Variants in RGL4 observed in about 807,000 individuals in gnomAD.
The protein encoded by RGL4 is ral-GDS-related protein.
RGL4 carries 41 observed loss-of-function variants against 49.6 expected under a neutral mutation model. That is an observed-to-expected ratio of 0.83 (90% CI 0.64 to 1.07). RGL4 has a LOEUF of 1.07. Ranked by LOEUF, RGL4 falls within the 50% of genes least tolerant of loss-of-function variation. The pLI, the probability that RGL4 is intolerant of heterozygous loss-of-function variation, is 0.00. For missense variants in RGL4, 610 were observed against 591.9 expected, an observed-to-expected ratio of 1.03 and a Z score of -0.32; for synonymous variants, 255 against 238.0, an observed-to-expected ratio of 1.07 and a Z score of -0.66.
At chr22:23,696,257 C>A in intron 6 of RGL4, 2 of 1,177,014 alleles carry the variant, frequency 1.7e-6, no homozygotes, top group African/African-American at 1.6e-5. Context: ...GTAGTGCAGG[C>A]CTCACAGGGT....
intron 4 of RGL4, 184 bp from the exon 5 acceptor site, chr22:23,694,163 G>C: frequency 1.4e-6 from 1 of 710,856 alleles, no homozygotes; most frequent in South Asian, 1.8e-5. Context: ...TCCGACCTGG[G>C]GTCTTCCTTG....
intron 6 of RGL4, chr22:23,695,512 C>G (rs936439733): frequency 4.0e-6 from 2 of 506,046 alleles, no homozygotes; most frequent in African/African-American, 4.0e-5. Flanking sequence ...GGGGCCTTGG[C>G]CTGCACTGGG....
intron 4 of RGL4, 134 bp from the exon 5 acceptor site, chr22:23,694,213 G>T: frequency 1.3e-6 from 1 of 769,062 alleles, no homozygotes; most frequent in Non-Finnish European, 2.2e-6. Flanking sequence ...ACATCCACTC[G>T]GCCCCAGGTC....
intron 2 of RGL4, 47 bp from the exon 3 acceptor site, chr22:23,692,622 A>T (rs756025717): frequency 6.4e-7 from 1 of 1,572,258 alleles, no homozygotes; most frequent in Non-Finnish European, 8.6e-7. Context: ...GTGCTTGGAA[A>T]ACCCAGTGAA....
rs1330378823 is a variant in RGL4 at position 23,694,681 on chromosome 22, T to C, written c.1016+231T>C. ...ACAGACTGGAGCCAACTGGAGGCTT[T>C]CAGGTGTTTGTACCCAGCAGTGGAA... On this transcript the variant is annotated intron_variant, in intron 5 of 10. Transcript: ENST00000290691. 5.0e-6 allele frequency: 3 copies of C among 595,496 alleles called. No homozygotes were observed. In the African/African-American group the frequency reaches 5.6e-5, roughly 11 times the overall value. The allele number at this position is 595,496 out of a possible 1,614,324, so 36.9% of individuals were successfully genotyped here. A position where few individuals can be genotyped will look rare whatever the true frequency, so the allele number is the denominator to read the frequency against.
At chr22:23,694,486 G>C in intron 5 of RGL4, 36 bp downstream of exon 5, 8 of 1,428,328 alleles carry the variant, frequency 5.6e-6, no homozygotes, top group Non-Finnish European at 7.9e-6. Flanking sequence ...CATCAGGGTT[G>C]ACCTAGGGAC....
chr22:23,693,064 C>A, intron 3 of RGL4, 73 bp downstream of exon 3: 1 of 1,494,414 alleles, frequency 6.7e-7, no homozygotes, highest in Non-Finnish European at 8.9e-7. Flanking sequence ...TGAGGAGCAG[C>A]CAATGCCCTC....
At chr22:23,692,292 G>A in intron 1 of RGL4, 43 bp from the exon 2 acceptor site, 1 of 1,609,366 alleles carries the variant, frequency 6.2e-7, no homozygotes, top group East Asian at 2.2e-5. Flanking sequence ...GGTTGTGTGG[G>A]AGAAGGCCAG....
At chr22:23,693,464 T>C (rs1258107904) in intron 3 of RGL4, among the ~76,000 whole-genome samples, 3 of 152,108 alleles carry the variant, frequency 2.0e-5, no homozygotes, top group African/African-American at 4.8e-5. Flanking sequence ...GGCCTCAGGA[T>C]GGGCAGGCCT....
chr22:23,693,754 C>T lies in RGL4; in HGVS notation c.697-5C>T, dbSNP rs369392926. 57 of 1,612,616 alleles carry T rather than the reference C, an allele frequency of 3.5e-5. No homozygotes were observed. Among genetic ancestry groups the T allele is most frequent in the African/African-American group, 1.1e-4 (8 of 74,864 alleles). Reference sequence around the variant, plus strand: ...TGTCCGTGACACTCTCCTCCTCCCCCAAAGGAGCTGTTCAAGAAGGTGGTG... The same window carrying T: ...TGTCCGTGACACTCTCCTCCTCCCCTAAAGGAGCTGTTCAAGAAGGTGGTG... On this transcript the variant is annotated splice_region_variant and splice_polypyrimidine_tract_variant and intron_variant, in intron 3 of 10. Transcript: ENST00000290691.
chr22:23,694,496 C>T (rs1328262338), intron 5 of RGL4, 46 bp downstream of exon 5: 2 of 1,287,190 alleles, frequency 1.6e-6, no homozygotes, highest in Non-Finnish European at 2.2e-6. Flanking sequence ...GACCTAGGGA[C>T]TCACAGGTCT....
chr22:23,697,318 C>T, intron 8 of RGL4, 73 bp downstream of exon 8: 2 of 1,242,014 alleles, frequency 1.6e-6, no homozygotes, highest in Non-Finnish European at 2.3e-6. Context: ...CTGGACCGAG[C>T]CTTTAGATCT....
Position 23,691,762 on chromosome 22 carries a change from A to G in RGL4, c.-269A>G. 2 of 399,230 alleles carry G rather than the reference A, an allele frequency of 5.0e-6. No homozygotes were observed. The highest frequency in any genetic ancestry group is 9.2e-6 in the Non-Finnish European group (2 of 216,700). 24.7% of individuals were successfully genotyped at this position (399,230 alleles called of 1,614,324 possible). On this transcript the variant is annotated 5_prime_UTR_variant, in exon 1 of 11. Coordinates refer to ENST00000290691, the MANE Select transcript of RGL4 (RefSeq NM_153615.2). ...ATATGTGGACTCTGGCTGGGGAGAG[A>G]CTAAAGGAGCTCTGGGGCTCATACT... is the stretch of plus-strand genomic sequence containing the variant.
At position 23,698,575 on chromosome 22, in the gene RGL4, C is replaced by T. The variant is rs768647160; in HGVS notation, c.1382+242C>T. On this transcript the variant is annotated intron_variant, in intron 10 of 10. Coordinates refer to ENST00000290691, the MANE Select transcript of RGL4 (RefSeq NM_153615.2). ...TACAGATGGGGTTTCACGATGATGTCCAGGATCGTCTCAAACTCCTGGCCT... is the reference window on the plus strand; with the variant it reads ...TACAGATGGGGTTTCACGATGATGTTCAGGATCGTCTCAAACTCCTGGCCT... 11 of 719,402 alleles carry T rather than the reference C, an allele frequency of 1.5e-5. No homozygotes were observed. The East Asian group carries it at 2.4e-4, about 16-fold the overall frequency. The allele number at this position is 719,402 out of a possible 1,614,324, so 44.6% of individuals were successfully genotyped here. A position where few individuals can be genotyped will look rare whatever the true frequency, so the allele number is the denominator to read the frequency against.
rs1285295144 is a variant in RGL4 at position 23,699,036 on chromosome 22, C to A, written c.*153C>A. 1 of 1,547,424 alleles carries A rather than the reference C, an allele frequency of 6.5e-7. No homozygotes were observed. The highest frequency in any genetic ancestry group is 1.2e-5 in the South Asian group (1 of 83,430). On this transcript the variant is annotated 3_prime_UTR_variant, in exon 11 of 11. Transcript: ENST00000290691. The stretch of plus-strand genomic sequence containing the variant: ...TCTTGCCCTGGATCCTCATCACCAA[C>A]TGCTCCTGCTGGCCAGGATCAGGCC...
At position 23,691,976 on chromosome 22, in the gene RGL4, C is replaced by T. The variant is rs1923159250; in HGVS notation, c.-55C>T. The stretch of plus-strand genomic sequence containing the variant: ...GCTCTCCCTGTCCTCCTCCCCCCGA[C>T]ATCTGCCCCTTCCCTCCTAACCCCA... On this transcript the variant is annotated 5_prime_UTR_variant, in exon 1 of 11. Coordinates refer to ENST00000290691, the MANE Select transcript of RGL4 (RefSeq NM_153615.2). 1.9e-6 allele frequency: 3 copies of T among 1,582,336 alleles called. No individual in the cohort carries two copies. The highest frequency in any genetic ancestry group is 3.4e-5 in the Admixed American group (2 of 59,030).
chr22:23,692,514 A>G lies in RGL4; in HGVS notation c.359A>G (p.Glu120Gly). The G allele has an allele frequency of 2.5e-6, 4 of 1,613,610 alleles. No individual in the cohort carries two copies. The highest frequency in any genetic ancestry group is 3.4e-6 in the Non-Finnish European group (4 of 1,179,578). ...CAGTTGGTGCTTCCGGAGCCCAACG[A>G]GGCCAAGCCAGATGGTGAGGGGGCT... ...LGQLVLPEPN[E>G]AKPDDPAPRP... is the part of the protein sequence containing the mutation. The change falls in exon 2 of 11, where the codon GAG (glutamate) becomes GGG (glycine). Residue 120 changes from glutamate to glycine, a missense_variant. Coordinates refer to ENST00000290691, the MANE Select transcript of RGL4 (RefSeq NM_153615.2).
At chr22:23,693,639 G>A in intron 3 of RGL4, 120 bp from the exon 4 acceptor site, 1 of 805,408 alleles carries the variant, frequency 1.2e-6, no homozygotes, top group Non-Finnish European at 2.1e-6. Context: ...AGCTTTCTGA[G>A]CTCCAGCTTG....
rs145276888 is a variant in RGL4, at chr22:23,693,786, G to A, written c.724G>A (p.Glu242Lys). Residue 242 changes from glutamate to lysine, a missense_variant, in exon 4 of 11, where the codon GAA (glutamate) becomes AAA (lysine). Physicochemically the swap from Glu to Lys is moderately conservative, Grantham distance 56. Coordinates refer to ENST00000290691, the MANE Select transcript of RGL4 (RefSeq NM_153615.2). ...GCTGTTCAAGAAGGTGGTGCTCCACGAATGCTTGGGCTGCATCTGGGGCCA... is the reference window on the plus strand; with the variant it reads ...GCTGTTCAAGAAGGTGGTGCTCCACAAATGCTTGGGCTGCATCTGGGGCCA... ...AELFKKVVLH[E>K]CLGCIWGQGH... 7.7e-5 allele frequency: 125 copies of A among 1,614,068 alleles called. No homozygotes were observed. In the African/African-American group the frequency reaches 1.1e-3, roughly 15 times the overall value.
Sources: allele counts gnomAD v4.1 joint callset (sites outside exome capture counted in the v4.1 genomes callset), GRCh38; gene constraint gnomAD v4.1.1; transcripts MANE v1.5; gene names NCBI Gene and HGNC (gene_info 2026-07-23, HGNC 2026-07-21).